FAM13A: variants seen among roughly 807,000 people sequenced by gnomAD.
The protein encoded by FAM13A is family with sequence similarity 13 member A.
In FAM13A, 76 loss-of-function variants were observed where a neutral mutation model predicts 129.6. That is an observed-to-expected ratio of 0.59 (90% CI 0.49 to 0.71). The LOEUF (loss-of-function observed/expected upper bound fraction) is 0.71. FAM13A is among the 30% of genes least tolerant of loss of function. The probability of loss-of-function intolerance (pLI) is 0.00; values close to 1 mark genes in which losing one functional copy is unlikely to be tolerated. For synonymous variants in FAM13A, 443 were observed against 449.9 expected (o/e 0.98, Z 0.20); for missense variants, 1,108 against 1,249.3 (o/e 0.89, Z 1.70).
intron 7 of FAM13A, among the ~76,000 whole-genome samples, chr4:88,823,650 TAAAAC>T (rs985858370): frequency 4.6e-5 from 7 of 152,200 alleles, no homozygotes; most frequent in African/African-American, 7.2e-5. Flanking sequence ...CTTTCTTCCT[TAAAAC>T]AAAACAAAAC....
At chr4:88,930,298 T>C (rs575808522) in intron 5 of FAM13A, among the ~76,000 whole-genome samples, 2 of 152,156 alleles carry the variant, frequency 1.3e-5, no homozygotes, top group African/African-American at 4.8e-5. Context: ...TAATTACACA[T>C]CTGGTATAGT....
In FAM13A at chr4:88,853,510, C is replaced by G. The variant is rs1228009518; in HGVS notation, c.844-2327G>C. On this transcript the variant is annotated intron_variant, in intron 6 of 23. Transcript: ENST00000264344. ...TTTCATAAGAGTAGACATGAAAAATCAATAAAACCACTGAAAATGCAGTAA... is the reference window on the plus strand; with the variant it reads ...TTTCATAAGAGTAGACATGAAAAATGAATAAAACCACTGAAAATGCAGTAA... Among the ~76,000 whole-genome samples, 6 of 152,220 alleles carry G rather than the reference C, an allele frequency of 3.9e-5. No homozygotes were observed. The East Asian group carries it at 1.2e-3, about 29-fold the overall frequency.
At chr4:88,823,755 G>A (rs1417311286) in intron 7 of FAM13A, among the ~76,000 whole-genome samples, 1 of 152,194 alleles carries the variant, frequency 6.6e-6, no homozygotes, top group Non-Finnish European at 1.5e-5. Flanking sequence ...TGTATTTCCT[G>A]CTGATGTTTG....
intron 21 of FAM13A, among the ~76,000 whole-genome samples, chr4:88,734,534 T>G (rs1738568447): frequency 6.6e-6 from 1 of 152,198 alleles, no homozygotes. Flanking sequence ...AGAAGCTGGA[T>G]ACATCAGTGG....
chr4:89,054,845 C>A (rs1031755081), intron 1 of FAM13A, among the ~76,000 whole-genome samples: 17 of 152,140 alleles, frequency 1.1e-4, no homozygotes, highest in African/African-American at 4.1e-4. Context: ...CACCTTTCCA[C>A]CACCTCACCA....
intron 3 of FAM13A, among the ~76,000 whole-genome samples, chr4:89,005,049 T>C (rs1233704480): frequency 6.6e-6 from 1 of 152,106 alleles, no homozygotes; most frequent in Non-Finnish European, 1.5e-5. Context: ...TTACCTTTAC[T>C]GTTCCTCTCC....
chr4:88,883,837 AAAT>A (rs3052677), intron 6 of FAM13A, among the ~76,000 whole-genome samples: 130,166 of 151,748 alleles, frequency 0.86, 56,161 homozygotes, highest in East Asian at 0.96. Flanking sequence ...ATTACAATTG[AAAT>A]TACCACAGAA....
chr4:89,010,747 C>T (rs141089431), intron 3 of FAM13A, among the ~76,000 whole-genome samples: 1 of 152,116 alleles, frequency 6.6e-6, no homozygotes, highest in Non-Finnish European at 1.5e-5. Flanking sequence ...TTCTGTGGAC[C>T]CCATCAAAGG....
At chr4:88,981,354 G>A (rs1053501246) in intron 4 of FAM13A, among the ~76,000 whole-genome samples, 2 of 152,104 alleles carry the variant, frequency 1.3e-5, no homozygotes, top group Non-Finnish European at 2.9e-5. Flanking sequence ...CCGAGGCTTT[G>A]GTCCGTGCAT....
chr4:88,920,599 G>GA (rs1299613010), intron 5 of FAM13A, among the ~76,000 whole-genome samples: 1 of 152,192 alleles, frequency 6.6e-6, no homozygotes, highest in Admixed American at 6.5e-5. Context: ...CAAAGATGGG[G>GA]AAAAAACAGA....
chr4:88,754,081 T>C (rs1162694653), intron 14 of FAM13A, among the ~76,000 whole-genome samples: 1 of 152,218 alleles, frequency 6.6e-6, no homozygotes, highest in Non-Finnish European at 1.5e-5. Context: ...ATAAAATAAA[T>C]GCATTTTCAT....
rs767674096 is a variant in FAM13A at position 88,750,536 on chromosome 4, C to T, written c.1828G>A (p.Glu610Lys). 28 of 1,614,042 alleles carry T rather than the reference C, an allele frequency of 1.7e-5. No individual in the cohort carries two copies. The highest frequency in any genetic ancestry group is 4.5e-5 in the East Asian group (2 of 44,878). The change falls in exon 15 of 24, where the codon GAA becomes AAA. Residue 610 changes from glutamate (E) to lysine (K), a missense_variant. By Grantham distance (56) the Glu-to-Lys change is moderately conservative. This residue lies in a region of FAM13A where 529 missense variants were observed against 621.2 expected (regional missense o/e 0.85). Coordinates refer to ENST00000264344, the MANE Select transcript of FAM13A (RefSeq NM_014883.4). ...AGRLIRQLLD[E>K]DSDPMLSPRF... ...GGAGAGAGCATGGGGTCGCTGTCTT[C>T]GTCCAGCAGCTGACGGATCAGGCGC...
chr4:88,876,893 C>T (rs1742628459), intron 6 of FAM13A, among the ~76,000 whole-genome samples: 2 of 152,052 alleles, frequency 1.3e-5, no homozygotes, highest in African/African-American at 2.4e-5. Flanking sequence ...GCCCAGACCG[C>T]GTCACTTCTT....
chr4:88,731,456 A>G (rs751533839), intron 22 of FAM13A, 28 bp from the exon 23 acceptor site: 1 of 1,341,254 alleles, frequency 7.5e-7, no homozygotes, highest in Admixed American at 1.8e-5. Flanking sequence ...TTGCAAGGAA[A>G]TTAAGTTAAA....
At chr4:88,743,623 C>G (rs1740684241) in intron 19 of FAM13A, among the ~76,000 whole-genome samples, 1 of 152,078 alleles carries the variant, frequency 6.6e-6, no homozygotes, top group Non-Finnish European at 1.5e-5. Context: ...ATTTTTGGAT[C>G]TGGGATGCTC....
chr4:88,907,318 C>T (rs1310718435), intron 5 of FAM13A, among the ~76,000 whole-genome samples: 1 of 152,158 alleles, frequency 6.6e-6, no homozygotes, highest in Non-Finnish European at 1.5e-5. Flanking sequence ...CTCCATATCC[C>T]ATTTCTTCCC....
At chr4:88,860,035 G>T (rs1169266662) in intron 6 of FAM13A, among the ~76,000 whole-genome samples, 1 of 152,118 alleles carries the variant, frequency 6.6e-6, no homozygotes, top group African/African-American at 2.4e-5. Context: ...TCAAACAGCT[G>T]ATGCAATGTA....
intron 7 of FAM13A, among the ~76,000 whole-genome samples, chr4:88,839,820 A>G (rs983429019): frequency 2.0e-5 from 3 of 152,228 alleles, no homozygotes; most frequent in South Asian, 2.1e-4. Flanking sequence ...CTGCCCCCCA[A>G]CGTTGTCCTG....
chr4:88,744,872 A>G (rs922966137), intron 19 of FAM13A, among the ~76,000 whole-genome samples: 1 of 152,116 alleles, frequency 6.6e-6, no homozygotes, highest in African/African-American at 2.4e-5. Flanking sequence ...TTCCTAGAGC[A>G]TTTGTTCCCC....
Sources: gnomAD v4.1 joint callset for allele counts (sites outside exome capture counted in the v4.1 genomes callset) on GRCh38, gnomAD v4.1.1 for gene constraint, gnomAD v4.1.1 regional missense constraint, MANE v1.5 for transcripts, NCBI Gene and HGNC (gene_info 2026-07-23, HGNC 2026-07-21) for gene names.